The following AIM2 variants were observed in gnomAD, a reference collection of about 807,000 sequenced individuals.
AIM2 encodes the protein interferon-inducible protein AIM2.
Under a neutral mutation model 27.7 loss-of-function variants are expected in AIM2, and 30 were observed. That is an observed-to-expected ratio of 1.08 (90% CI 0.81 to 1.47). AIM2 has a LOEUF of 1.47. Ranked by LOEUF, AIM2 falls within the 40% of genes most tolerant of loss-of-function variation. The pLI is 0.00. For synonymous variants in AIM2, 141 were observed against 145.3 expected (o/e 0.97, Z 0.21); for missense variants, 358 against 411.3 (o/e 0.87, Z 1.12).
chr1:159,085,926 C>G (rs1656903666), intron 1 of AIM2, among the ~76,000 whole-genome samples: 1 of 152,130 alleles, frequency 6.6e-6, no homozygotes, highest in African/African-American at 2.4e-5. Flanking sequence ...CACACACACA[C>G]TATGTGAGGT....
chr1:159,069,822 C>T lies in AIM2; in HGVS notation c.263-1121G>A, dbSNP rs145085345. On this transcript the variant is annotated intron_variant, in intron 2 of 5. Coordinates refer to ENST00000368130, the MANE Select transcript of AIM2 (RefSeq NM_004833.3). Reference sequence around the variant, plus strand: ...CCTCCCAAAGTGTTGGGATTACAGGCGTGAGCCACCGCGCCTGGCCACAGA... The same window carrying T: ...CCTCCCAAAGTGTTGGGATTACAGGTGTGAGCCACCGCGCCTGGCCACAGA... Among the ~76,000 whole-genome samples the T allele has an allele frequency of 9.3e-3, 1,415 of 152,278 alleles. 12 individuals carry two copies. The highest frequency in any genetic ancestry group is 0.014 in the Non-Finnish European group (960 of 68,000).
chr1:159,132,417 G>A (rs927910892), intron 1 of AIM2: 18 of 152,072 alleles, frequency 1.2e-4, no homozygotes, highest in African/African-American at 4.1e-4. Context: ...CAAGAAAAAA[G>A]ATATTTTATT....
chr1:159,062,841 A>T, intron 5 of AIM2, 123 bp from the exon 6 acceptor site: 1 of 931,278 alleles, frequency 1.1e-6, no homozygotes, highest in Middle Eastern at 2.2e-4. Context: ...TTTTGTTCCC[A>T]CCCTTCTAAT....
At chr1:159,101,456 AATTGGT>A in intron 1 of AIM2, among the ~76,000 whole-genome samples, 1 of 152,328 alleles carries the variant, frequency 6.6e-6, no homozygotes, top group African/African-American at 2.4e-5. Context: ...TAATACGGTA[AATTGGT>A]ACTGAGACAG....
Position 159,068,569 on chromosome 1 carries a change from T to G in AIM2, c.395A>C (p.Lys132Thr). Reference protein sequence around the residue: ...RAAPKVSPHVKPEQKQMVAQQ... With the variant: ...RAAPKVSPHVTPEQKQMVAQQ... ...ACCACTCCACTCTCCTTATCCTACCTTAACATGAGGAGAGACTTTTGGTGC... is the reference window on the plus strand; with the variant it reads ...ACCACTCCACTCTCCTTATCCTACCGTAACATGAGGAGAGACTTTTGGTGC... The change falls in exon 3 of 6, where the codon AAG becomes ACG. Residue 132 changes from lysine (K) to threonine (T), a missense_variant and splice_region_variant. Coordinates refer to ENST00000368130, the MANE Select transcript of AIM2 (RefSeq NM_004833.3). 6.2e-7 allele frequency: 1 copy of G among 1,611,444 alleles called. No homozygotes were observed. The highest frequency in any genetic ancestry group is 8.5e-7 in the Non-Finnish European group (1 of 1,179,090).
At chr1:159,076,521 G>A (rs1310115853) in intron 1 of AIM2, 112 bp downstream of exon 1, 1 of 152,204 alleles carries the variant, frequency 6.6e-6, no homozygotes, top group East Asian at 1.9e-4. Context: ...ATGTTTGCAG[G>A]TTCAGGTTCT....
intron 1 of AIM2, among the ~76,000 whole-genome samples, chr1:159,118,763 G>A (rs1013203430): frequency 3.9e-5 from 6 of 152,022 alleles, no homozygotes; most frequent in African/African-American, 1.4e-4. Flanking sequence ...TTATTTGCTG[G>A]GAATCTTCTG....
At chr1:159,111,047 T>C (rs1232531294) in intron 1 of AIM2, among the ~76,000 whole-genome samples, 2 of 152,158 alleles carry the variant, frequency 1.3e-5, no homozygotes, top group African/African-American at 4.8e-5. Context: ...TCTTCTAATC[T>C]AGTATTTAGC....
At chr1:159,142,578 C>T (rs1442282159), upstream of AIM2, among the ~76,000 whole-genome samples, 4 of 152,110 alleles carry the variant, frequency 2.6e-5, no homozygotes, top group Admixed American at 1.3e-4. Context: ...CCAGGGCTAC[C>T]TACTTTGAAG....
rs754168382 is a variant in AIM2, at chr1:159,073,502, G to A, written c.-3C>T. The stretch of plus-strand genomic sequence containing the variant: ...ATCTCCTTGTATTTACTCTCCATCT[G>A]ACAACTTTGGGATCAGCCTATAAGG... On this transcript the variant is annotated 5_prime_UTR_variant, in exon 2 of 6. Transcript: ENST00000368130. 1.2e-5 allele frequency: 20 copies of A among 1,612,800 alleles called. No homozygotes were observed. Among genetic ancestry groups the A allele is most frequent in the Non-Finnish European group, 1.7e-5 (20 of 1,179,184 alleles).
intron 1 of AIM2, among the ~76,000 whole-genome samples, chr1:159,095,953 C>T (rs1280071501): frequency 3.3e-5 from 5 of 152,078 alleles, no homozygotes; most frequent in Non-Finnish European, 5.9e-5. Flanking sequence ...AGACTAGGGT[C>T]TCATATATTA....
chr1:159,094,654 C>A (rs1657131686), intron 1 of AIM2, among the ~76,000 whole-genome samples: 1 of 152,178 alleles, frequency 6.6e-6, no homozygotes, highest in African/African-American at 2.4e-5. Flanking sequence ...GCCAAGATTG[C>A]ATTACTGCAC....
At chr1:159,083,633 C>T (rs1237519121) in intron 1 of AIM2, among the ~76,000 whole-genome samples, 1 of 152,156 alleles carries the variant, frequency 6.6e-6, no homozygotes, top group Admixed American at 6.5e-5. Flanking sequence ...CTACTAAATA[C>T]TCACCCAAGT....
At chr1:159,112,856 G>C (rs1469007838) in intron 1 of AIM2, among the ~76,000 whole-genome samples, 1 of 151,454 alleles carries the variant, frequency 6.6e-6, no homozygotes, top group Non-Finnish European at 1.5e-5. Context: ...TTTTCTACTA[G>C]ACTTTTTTTT....
At chr1:159,117,772 A>G (rs988940997) in intron 1 of AIM2, among the ~76,000 whole-genome samples, 5 of 151,692 alleles carry the variant, frequency 3.3e-5, no homozygotes, top group Admixed American at 2.0e-4. Context: ...CACACACACA[A>G]AGACACACAC....
intron 1 of AIM2, among the ~76,000 whole-genome samples, chr1:159,126,533 C>T (rs1421678961): frequency 2.0e-5 from 3 of 151,214 alleles, no homozygotes. Context: ...CCTGTAGTCC[C>T]AGCTACTCGA....
rs541556589 is a variant in AIM2 at position 159,063,273 on chromosome 1, G to A, written c.1005+213C>T. On this transcript the variant is annotated intron_variant, in intron 5 of 5. Transcript: ENST00000368130. ...GGGCTCTGTGGGCACAACAATATGC[G>A]CCTCTGCCTTGAAAAGCCCATGTTC... 2.0e-5 allele frequency among the ~76,000 whole-genome samples: 3 copies of A among 152,276 alleles called. No homozygotes were observed. In the East Asian group the frequency reaches 5.8e-4, roughly 29 times the overall value.
At chr1:159,098,387 C>A (rs1246854613) in intron 1 of AIM2, among the ~76,000 whole-genome samples, 1 of 151,822 alleles carries the variant, frequency 6.6e-6, no homozygotes, top group Non-Finnish European at 1.5e-5. Flanking sequence ...CCGTATATGA[C>A]TATTTCAGCT....
chr1:159,143,263 G>C (rs1316539252), upstream of AIM2, among the ~76,000 whole-genome samples: 4 of 152,070 alleles, frequency 2.6e-5, no homozygotes, highest in Non-Finnish European at 4.4e-5. Context: ...TAAGCAAAAG[G>C]CTCTTTCTAA....
Sources: gnomAD v4.1 joint callset for allele counts (sites outside exome capture counted in the v4.1 genomes callset) on GRCh38, gnomAD v4.1.1 for gene constraint, MANE v1.5 for transcripts, NCBI Gene and HGNC (gene_info 2026-07-23, HGNC 2026-07-21) for gene names.